Variants in ZHX2 observed in about 807,000 individuals in gnomAD.
ZHX2 encodes zinc fingers and homeoboxes protein 2.
A neutral mutation model predicts 21.9 loss-of-function variants in ZHX2; 6 were observed. The ratio of observed to expected loss-of-function variants is 0.27; its 90% CI spans 0.15 to 0.54. The LOEUF (loss-of-function observed/expected upper bound fraction) is 0.54, where lower values mean the gene tolerates loss of function less well. ZHX2 is among the 20% of genes least tolerant of loss of function. The pLI, the probability that ZHX2 is intolerant of heterozygous loss-of-function variation, is 0.95. For missense variants in ZHX2, 908 were observed against 1,090.7 expected, an observed-to-expected ratio of 0.83 and a Z score of 2.36; for synonymous variants, 434 against 437.1, an observed-to-expected ratio of 0.99 and a Z score of 0.09.
At chr8:122,861,955 G>A (rs886370929) in intron 1 of ZHX2, among the ~76,000 whole-genome samples, 3 of 152,304 alleles carry the variant, frequency 2.0e-5, no homozygotes, top group Admixed American at 6.5e-5. Context: ...GGACAAAAGC[G>A]CTCAACTTAC....
chr8:122,944,098 C>G (rs1395799725), intron 2 of ZHX2, among the ~76,000 whole-genome samples: 2 of 152,226 alleles, frequency 1.3e-5, no homozygotes, highest in Non-Finnish European at 1.5e-5. Flanking sequence ...TCACTTTCCT[C>G]TACCTCCCAG....
At chr8:122,942,098 C>G (rs1445206292) in intron 2 of ZHX2, among the ~76,000 whole-genome samples, 1 of 152,192 alleles carries the variant, frequency 6.6e-6, no homozygotes, top group Non-Finnish European at 1.5e-5. Context: ...GAGAAGAGAG[C>G]TGGGTTGCTG....
chr8:122,970,846 C>T (rs371371871), intron 3 of ZHX2, among the ~76,000 whole-genome samples: 34 of 152,298 alleles, frequency 2.2e-4, no homozygotes, highest in African/African-American at 7.7e-4. Flanking sequence ...CAATAAGGCT[C>T]GTGGTCCTCA....
At chr8:122,909,368 G>A (rs1392237934) in intron 2 of ZHX2, among the ~76,000 whole-genome samples, 1 of 151,920 alleles carries the variant, frequency 6.6e-6, no homozygotes, top group Non-Finnish European at 1.5e-5. Context: ...AGGAGGTGGA[G>A]GTTGCAGTGA....
At chr8:122,971,288 CT>C (rs11409501) in intron 3 of ZHX2, among the ~76,000 whole-genome samples, 3,605 of 136,752 alleles carry the variant, frequency 0.026, 107 homozygotes, top group African/African-American at 0.074. Flanking sequence ...CCTGAGCTTC[CT>C]TTTTTTTTTT....
At chr8:122,898,073 C>A (rs1820141191) in intron 2 of ZHX2, among the ~76,000 whole-genome samples, 1 of 152,086 alleles carries the variant, frequency 6.6e-6, no homozygotes, top group Non-Finnish European at 1.5e-5. Context: ...AAATAAGCCA[C>A]CATTTATTCA....
rs1467287327 is a variant in ZHX2, at chr8:122,781,686, C to G, written c.-543C>G. 6.6e-6 allele frequency: 1 copy of G among 151,624 alleles called. No homozygotes were observed. Among genetic ancestry groups the G allele is most frequent in the African/African-American group, 2.4e-5 (1 of 41,142 alleles). The allele number at this position is 151,624 out of a possible 1,614,324, so 9.4% of individuals were successfully genotyped here. A position where few individuals can be genotyped will look rare whatever the true frequency, so the allele number is the denominator to read the frequency against. Reference sequence around the variant, plus strand: ...GTTTTGGCGTAGATTCCCCACTGATCGAGGCATTTTTTTTCCCTTTTTTTT... The same window carrying G: ...GTTTTGGCGTAGATTCCCCACTGATGGAGGCATTTTTTTTCCCTTTTTTTT... On this transcript the variant is annotated 5_prime_UTR_variant, in exon 1 of 4. It adds an upstream start codon to the 5' untranslated region. Transcript: ENST00000314393. This position sits in a 1 kb window ranked among gnomAD's most constrained non-coding sequence, Gnocchi z 4.6.
intron 1 of ZHX2, among the ~76,000 whole-genome samples, chr8:122,822,422 C>T (rs1394167833): frequency 6.6e-6 from 1 of 152,040 alleles, no homozygotes; most frequent in Non-Finnish European, 1.5e-5. Flanking sequence ...CAAGGACCAG[C>T]GAGTAGCAGA....
In ZHX2 at chr8:122,951,464, C is replaced by T. The variant is rs1286709423; in HGVS notation, c.-47C>T. 2 of 1,528,346 alleles carry T rather than the reference C, an allele frequency of 1.3e-6. No homozygotes were observed. Among genetic ancestry groups the T allele is most frequent in the Non-Finnish European group, 1.8e-6 (2 of 1,123,086 alleles). The allele number at this position is 1,528,346 out of a possible 1,614,324, so 94.7% of individuals were successfully genotyped here. On this transcript the variant is annotated 5_prime_UTR_variant, in exon 3 of 4. Coordinates refer to ENST00000314393, the MANE Select transcript of ZHX2 (RefSeq NM_014943.5). ...TTCGTTCCAAGAATCTCACCGCCCC[C>T]TCCTTATCCCCCTCCAAAAATAAGC...
At chr8:122,968,187 A>G (rs768285966) in intron 3 of ZHX2, among the ~76,000 whole-genome samples, 2 of 152,100 alleles carry the variant, frequency 1.3e-5, no homozygotes, top group Non-Finnish European at 2.9e-5. Flanking sequence ...CTCTGGTTCT[A>G]TTAAATTCCC....
At chr8:122,965,196 G>T (rs997088644) in intron 3 of ZHX2, among the ~76,000 whole-genome samples, 1 of 151,688 alleles carries the variant, frequency 6.6e-6, no homozygotes, top group Non-Finnish European at 1.5e-5. Flanking sequence ...CTGGGTTTGG[G>T]TTTGGTTTGT....
intron 2 of ZHX2, among the ~76,000 whole-genome samples, chr8:122,947,398 A>C (rs1813005069): frequency 6.6e-6 from 1 of 152,232 alleles, no homozygotes; most frequent in Non-Finnish European, 1.5e-5. Context: ...CTTCTTGAGC[A>C]CTGGGAATGT....
At chr8:122,899,787 G>A (rs1820184008) in intron 2 of ZHX2, among the ~76,000 whole-genome samples, 2 of 152,226 alleles carry the variant, frequency 1.3e-5, no homozygotes, top group South Asian at 2.1e-4. Context: ...TTCACCTGAG[G>A]TGGAAATTAT....
chr8:122,919,426 C>G (rs1820684690), intron 2 of ZHX2, among the ~76,000 whole-genome samples: 1 of 152,138 alleles, frequency 6.6e-6, no homozygotes, highest in Admixed American at 6.5e-5. Flanking sequence ...GTCATTCATT[C>G]CTCATGTATT....
intron 2 of ZHX2, among the ~76,000 whole-genome samples, chr8:122,899,634 G>T (rs1820179832): frequency 6.6e-6 from 1 of 152,040 alleles, no homozygotes; most frequent in African/African-American, 2.4e-5. Context: ...TGCTGCATTT[G>T]TCTTACCTGA....
chr8:122,905,658 T>C (rs927179767), intron 2 of ZHX2, among the ~76,000 whole-genome samples: 83 of 152,214 alleles, frequency 5.5e-4, no homozygotes, highest in African/African-American at 2.0e-3. Flanking sequence ...GAAAACAGTC[T>C]GAGTCTCAAG....
chr8:122,787,099 G>T (rs1479847410), intron 1 of ZHX2, among the ~76,000 whole-genome samples: 1 of 151,518 alleles, frequency 6.6e-6, no homozygotes, highest in Non-Finnish European at 1.5e-5. Flanking sequence ...GTGTGTGTGT[G>T]TGTGTGTGTG....
At chr8:122,847,563 T>A (rs1818781173) in intron 1 of ZHX2, among the ~76,000 whole-genome samples, 1 of 152,228 alleles carries the variant, frequency 6.6e-6, no homozygotes, top group South Asian at 2.1e-4. Context: ...CCAGGCCCAG[T>A]GCCAAGCCCA....
At chr8:122,963,344 A>G (rs992290056) in intron 3 of ZHX2, among the ~76,000 whole-genome samples, 5 of 152,172 alleles carry the variant, frequency 3.3e-5, no homozygotes, top group Non-Finnish European at 7.4e-5. Flanking sequence ...ACATGAGGCT[A>G]GCCAATTATC....
Sources: allele counts gnomAD v4.1 joint callset (sites outside exome capture counted in the v4.1 genomes callset), GRCh38; gene constraint gnomAD v4.1.1; non-coding constraint Gnocchi (gnomAD v3.1); transcripts MANE v1.5; gene names NCBI Gene and HGNC (gene_info 2026-07-23, HGNC 2026-07-21).